The following ACOT11 variants were observed in gnomAD, a reference collection of about 807,000 sequenced individuals.
ACOT11 encodes the protein acyl-CoA thioesterase 11.
In ACOT11, 69 loss-of-function variants were observed where a neutral mutation model predicts 77.5. That is an observed-to-expected ratio of 0.89 (90% CI 0.73 to 1.09). The LOEUF is 1.09. Ranked by LOEUF, ACOT11 falls within the 50% of genes least tolerant of loss-of-function variation. The pLI is 0.00. For synonymous variants in ACOT11, 279 were observed against 313.0 expected (o/e 0.89, Z 1.15); for missense variants, 766 against 813.7 (o/e 0.94, Z 0.71).
intron 1 of ACOT11, among the ~76,000 whole-genome samples, chr1:54,580,200 G>A (rs555622491): frequency 3.3e-5 from 5 of 152,154 alleles, no homozygotes; most frequent in Non-Finnish European, 7.3e-5. Flanking sequence ...ACCCAAGCTA[G>A]GCTGACCCCC....
At chr1:54,557,043 C>G (rs1276724451) in intron 1 of ACOT11, among the ~76,000 whole-genome samples, 1 of 151,382 alleles carries the variant, frequency 6.6e-6, no homozygotes, top group African/African-American at 2.4e-5. Flanking sequence ...GTAGCTGAGA[C>G]TACAGGCATG....
intron 1 of ACOT11, among the ~76,000 whole-genome samples, chr1:54,569,219 C>G (rs564051741): frequency 6.6e-6 from 1 of 151,968 alleles, no homozygotes. Flanking sequence ...GCCTCAGCCT[C>G]CCAAAGTGCT....
chr1:54,576,992 A>C (rs537394157), intron 1 of ACOT11, among the ~76,000 whole-genome samples: 1 of 152,318 alleles, frequency 6.6e-6, no homozygotes, highest in South Asian at 2.1e-4. Flanking sequence ...TGTGCCAGAG[A>C]TCAGGCTATA....
intron 13 of ACOT11, among the ~76,000 whole-genome samples, 191 bp from the exon 14 acceptor site, chr1:54,606,943 C>T (rs1196704773): frequency 1.3e-5 from 2 of 152,250 alleles, no homozygotes; most frequent in African/African-American, 4.8e-5. Context: ...CCTGTGTGTG[C>T]ACACGCACAT....
chr1:54,582,191 C>T (rs1474391240), intron 1 of ACOT11, among the ~76,000 whole-genome samples: 1 of 152,162 alleles, frequency 6.6e-6, no homozygotes, highest in Non-Finnish European at 1.5e-5. Flanking sequence ...CTGAGTTAGG[C>T]CCTGGACTCC....
downstream of ACOT11, chr1:54,611,791 A>T (rs762883104): frequency 7.5e-6 from 12 of 1,609,676 alleles, no homozygotes; most frequent in Non-Finnish European, 9.3e-6. Flanking sequence ...GCCCAGCAAG[A>T]CCCTCAGCCC....
chr1:54,573,783 A>T (rs1654004720), intron 1 of ACOT11, among the ~76,000 whole-genome samples: 1 of 152,200 alleles, frequency 6.6e-6, no homozygotes, highest in Non-Finnish European at 1.5e-5. Context: ...CAATCCTAGC[A>T]CTTTGGGAGG....
At chr1:54,549,070 C>T (rs1652974309) in intron 1 of ACOT11, among the ~76,000 whole-genome samples, 1 of 151,968 alleles carries the variant, frequency 6.6e-6, no homozygotes, top group Non-Finnish European at 1.5e-5. Flanking sequence ...TTTAAAGGGG[C>T]TGGAACAATT....
downstream of ACOT11, chr1:54,610,685 T>C: frequency 7.0e-7 from 1 of 1,428,500 alleles, no homozygotes; most frequent in Non-Finnish European, 9.2e-7. Flanking sequence ...GCCAAGTAGC[T>C]CTCATTTCCT....
At chr1:54,582,454 G>C in intron 1 of ACOT11, 1 of 985,404 alleles carries the variant, frequency 1.0e-6, no homozygotes, top group Non-Finnish European at 1.2e-6. Context: ...CAGAGGAAGT[G>C]TTTGGTGAAT....
chr1:54,612,946 C>T (rs1013535390), downstream of ACOT11, among the ~76,000 whole-genome samples: 4 of 152,114 alleles, frequency 2.6e-5, no homozygotes, highest in Admixed American at 2.6e-4. Flanking sequence ...GTAACTCAGC[C>T]TCATAGACAG....
chr1:54,631,798 G>A (rs542373763), intron 16 of ACOT11, among the ~76,000 whole-genome samples: 1 of 152,318 alleles, frequency 6.6e-6, no homozygotes, highest in South Asian at 2.1e-4. Context: ...AAAGATGATT[G>A]CAGATTCGGC....
rs763744352 is a variant in ACOT11, at chr1:54,597,315, A to C, written c.664A>C (p.Ser222Arg). Residue 222 changes from serine to arginine, a missense_variant, in exon 7 of 16, where the codon AGT (serine) becomes CGT (arginine). Transcript: ENST00000343744. ...MVPAEKTRVE[S>R]VELVLPPHAN... ...GCCGGCTGAGAAGACCCGTGTGGAG[A>C]GTGTGGAGCTGGTCCTGCCTCCCCA... 1.9e-6 allele frequency: 3 copies of C among 1,613,608 alleles called. No homozygotes were observed. Among genetic ancestry groups the C allele is most frequent in the African/African-American group, 1.3e-5 (1 of 74,858 alleles).
chr1:54,623,938 T>TAGATCTGC (rs1409624471), intron 15 of ACOT11, among the ~76,000 whole-genome samples: 1 of 152,212 alleles, frequency 6.6e-6, no homozygotes, highest in East Asian at 1.9e-4. Flanking sequence ...AAAGACAGAT[T>TAGATCTGC]AGATCTGCGT....
intron 16 of ACOT11, among the ~76,000 whole-genome samples, chr1:54,634,005 C>T (rs563409898): frequency 6.6e-6 from 1 of 152,286 alleles, no homozygotes; most frequent in South Asian, 2.1e-4. Flanking sequence ...CTTTTTCTTC[C>T]ACATACTAAT....
rs575767412 is a variant in ACOT11 at position 54,571,920 on chromosome 1, C to T, written c.34-12735C>T. The stretch of plus-strand genomic sequence containing the variant: ...TCTGGGGAGGAAGAGGACATCATCC[C>T]CAGCAGGAAGGGCCCGCAGGACCCT... On this transcript the variant is annotated intron_variant, in intron 1 of 15. Transcript: ENST00000343744. Among the ~76,000 whole-genome samples, 45 of 152,140 alleles carry T rather than the reference C, an allele frequency of 3.0e-4. No homozygotes were observed. The East Asian group carries it at 6.0e-3, about 20-fold the overall frequency.
chr1:54,594,489 G>A, intron 5 of ACOT11, 67 bp from the exon 6 acceptor site: 1 of 1,552,490 alleles, frequency 6.4e-7, no homozygotes, highest in Non-Finnish European at 8.7e-7. Context: ...TGGTGCTGGG[G>A]ACAGGCCCTT....
In ACOT11 at chr1:54,599,559, T is replaced by C. The variant is rs982883519; in HGVS notation, c.884+144T>C. On this transcript the variant is annotated intron_variant, in intron 8 of 15. Coordinates refer to ENST00000343744, the MANE Select transcript of ACOT11 (RefSeq NM_147161.4). ...TCCCTGCCTGGCTGATGGGTTCCTC[T>C]GAAATTCAGCTCTGATTTTCCCTTC... 1.3e-5 allele frequency: 13 copies of C among 986,410 alleles called. No individual in the cohort carries two copies. In the African/African-American group the frequency reaches 2.2e-4, roughly 17 times the overall value. 61.1% of individuals were successfully genotyped at this position (986,410 alleles called of 1,614,324 possible). A position where few individuals can be genotyped will look rare whatever the true frequency, so the allele number is the denominator to read the frequency against.
intron 15 of ACOT11, chr1:54,616,164 T>G: frequency 1.9e-6 from 3 of 1,613,490 alleles, no homozygotes; most frequent in Non-Finnish European, 2.5e-6. Context: ...TCCAGGACTG[T>G]GATGTTGCCT....
Sources: allele counts gnomAD v4.1 joint callset (sites outside exome capture counted in the v4.1 genomes callset), GRCh38; gene constraint gnomAD v4.1.1; transcripts MANE v1.5; gene names NCBI Gene and HGNC (gene_info 2026-07-23, HGNC 2026-07-21).